BRAF: variants seen among roughly 807,000 people sequenced by gnomAD.
BRAF encodes serine/threonine-protein kinase B-raf.
Under a neutral mutation model 104.6 loss-of-function variants are expected in BRAF, and 16 were observed. The observed-to-expected ratio is 0.15, with a 90% CI of 0.10 to 0.23. BRAF has a LOEUF of 0.23. Ranked by LOEUF, BRAF falls within the 10% of genes least tolerant of loss-of-function variation. The probability of loss-of-function intolerance (pLI) is 1.00; values close to 1 mark genes in which losing one functional copy is unlikely to be tolerated. For synonymous variants in BRAF, 310 were observed against 341.6 expected (o/e 0.91, Z 1.02); for missense variants, 541 against 937.3 (o/e 0.58, Z 5.52).
chr7:140,767,293 C>T (rs1445963838), intron 14 of BRAF, among the ~76,000 whole-genome samples: 14 of 152,176 alleles, frequency 9.2e-5, no homozygotes, highest in Admixed American at 4.6e-4. Flanking sequence ...CATGAACCAC[C>T]GTGCCCAGCC....
At chr7:140,838,995 T>C (rs2129065489) in intron 2 of BRAF, among the ~76,000 whole-genome samples, 1 of 152,264 alleles carries the variant, frequency 6.6e-6, no homozygotes, top group African/African-American at 2.4e-5. Context: ...AGTATGTGAA[T>C]TATTTCTCAA....
At chr7:140,910,378 T>C (rs2129139112) in intron 1 of BRAF, among the ~76,000 whole-genome samples, 1 of 152,364 alleles carries the variant, frequency 6.6e-6, no homozygotes, top group South Asian at 2.1e-4. Context: ...TCCCATGTCT[T>C]CTTGATCTGT....
chr7:140,794,313 T>C lies in BRAF; in HGVS notation c.1135A>G (p.Ile379Val). The change falls in exon 8 of 20, where the codon ATT becomes GTT. Residue 379 changes from isoleucine (I) to valine (V), a missense_variant. Ile to Val is a conservative substitution (Grantham distance 29). Around this residue, in one of 10 missense-constraint regions of BRAF, gnomAD observed 109 missense variants for 143.9 expected, o/e 0.76. Transcript: ENST00000644969. ...VHINTIEPVN[I>V]DDLIRDQGFR... is the part of the protein sequence containing the mutation. Reference sequence around the variant, plus strand: ...TAGCAATGCTGGATACTTACATCAATATTGACAGGTTCTATTGTGTTTATA... The same window carrying C: ...TAGCAATGCTGGATACTTACATCAACATTGACAGGTTCTATTGTGTTTATA... 1 of 1,613,962 alleles carries C rather than the reference T, an allele frequency of 6.2e-7. No homozygotes were observed. Among genetic ancestry groups the C allele is most frequent in the Non-Finnish European group, 8.5e-7 (1 of 1,179,980 alleles).
rs574149563 is a variant in BRAF at position 140,778,110 on chromosome 7, A to G, written c.1553-35T>C. On this transcript the variant is annotated intron_variant, in intron 12 of 19. Coordinates refer to ENST00000644969, the MANE Select transcript of BRAF (RefSeq NM_001374258.1). ...AATTGTTACTCCAAGTGTCATTTCA[A>G]TTTTTAAAATTTAAAAGTATAAAAC... The G allele has an allele frequency of 4.4e-6, 7 of 1,599,540 alleles. No individual in the cohort carries two copies. The South Asian group carries it at 5.5e-5, about 13-fold the overall frequency.
chr7:140,888,532 T>C (rs1813828620), intron 1 of BRAF, among the ~76,000 whole-genome samples: 1 of 152,088 alleles, frequency 6.6e-6, no homozygotes. Context: ...TCATCCATAA[T>C]ACAGGATAAA....
intron 11 of BRAF, among the ~76,000 whole-genome samples, chr7:140,782,618 T>C (rs1214211938): frequency 6.6e-6 from 1 of 152,194 alleles, no homozygotes; most frequent in Non-Finnish European, 1.5e-5. Context: ...AATGTGCAGG[T>C]TTGTTACATA....
At chr7:140,801,159 A>G (rs1011861845) in intron 6 of BRAF, 5 of 376,906 alleles carry the variant, frequency 1.3e-5, no homozygotes, top group Non-Finnish European at 2.4e-5. Context: ...AATGGTTTCT[A>G]TGGGTTAGGG....
Position 140,763,786 on chromosome 7 carries a change from C to G in BRAF, c.1815-9553G>C, listed in dbSNP as rs369910952. On this transcript the variant is annotated intron_variant, in intron 14 of 19. Coordinates refer to ENST00000644969, the MANE Select transcript of BRAF (RefSeq NM_001374258.1). ...TCTGAATAGACCAATAACAGGATCT[C>G]AAATTGTGGCAGTAATCAATAGCTT... Among the ~76,000 whole-genome samples, 7 of 152,282 alleles carry G rather than the reference C, an allele frequency of 4.6e-5. No homozygotes were observed. In the South Asian group the frequency reaches 6.2e-4, roughly 14 times the overall value.
At chr7:140,747,370 C>T (rs1216374275) in intron 17 of BRAF, 1 of 1,274,426 alleles carries the variant, frequency 7.8e-7, no homozygotes. Context: ...CCTTACCCTT[C>T]TGTTGGTCAC....
Position 140,725,588 on chromosome 7 carries a change from G to A in BRAF, c.*906C>T, listed in dbSNP as rs144129600. On this transcript the variant is annotated 3_prime_UTR_variant, in exon 20 of 20. Coordinates refer to ENST00000644969, the MANE Select transcript of BRAF (RefSeq NM_001374258.1). ...TTTTGTGGGGGTTTAGTTAGATACT[G>A]CCACGGCATTTTGTGCCCTGGACAA... is the stretch of plus-strand genomic sequence containing the variant. 304 of 1,057,168 alleles carry A rather than the reference G, an allele frequency of 2.9e-4. 2 individuals carry two copies. The African/African-American group carries it at 4.7e-3, about 16-fold the overall frequency. 65.5% of individuals were successfully genotyped at this position (1,057,168 alleles called of 1,614,324 possible).
At chr7:140,813,417 C>T (rs192669519) in intron 3 of BRAF, among the ~76,000 whole-genome samples, 9 of 152,254 alleles carry the variant, frequency 5.9e-5, no homozygotes, top group African/African-American at 2.2e-4. Context: ...TATAAACAGA[C>T]ATCTCATAAT....
intron 15 of BRAF, chr7:140,753,690 T>C (rs1797971035): frequency 3.1e-6 from 1 of 327,284 alleles, no homozygotes; most frequent in Non-Finnish European, 5.8e-6. Context: ...ATTTTAGCAA[T>C]GTAGGCCCAG....
chr7:140,780,960 GAGTCTCACTGTCACC>G (rs1800813117), intron 12 of BRAF: 1 of 151,728 alleles, frequency 6.6e-6, no homozygotes, highest in African/African-American at 2.4e-5. Flanking sequence ...TTTTGAGACG[GAGTCTCACTGTCACC>G]AGGGTGGAGT....
chr7:140,718,697 A>G (rs1398732754), downstream of BRAF, among the ~76,000 whole-genome samples: 2 of 152,194 alleles, frequency 1.3e-5, no homozygotes, highest in Non-Finnish European at 2.9e-5. Flanking sequence ...GATGAGTTTT[A>G]AAACGGTTTA....
chr7:140,820,261 T>C (rs1202386252), intron 3 of BRAF, among the ~76,000 whole-genome samples: 2 of 152,206 alleles, frequency 1.3e-5, no homozygotes, highest in African/African-American at 2.4e-5. Flanking sequence ...TTCATACACT[T>C]GTTGAGAATC....
At position 140,792,209 on chromosome 7, in the gene BRAF, C is replaced by T. The variant is rs1802045042; in HGVS notation, c.1140+2099G>A. Among the ~76,000 whole-genome samples the T allele has an allele frequency of 2.0e-5, 3 of 152,206 alleles. No individual in the cohort carries two copies. In the Middle Eastern group the frequency reaches 0.01, roughly 518 times the overall value. On this transcript the variant is annotated intron_variant, in intron 8 of 19. Transcript: ENST00000644969. ...TATTACTTGAGTTTAAATATCATTT[C>T]TTGTCTGAAATACTGTAAAAACCAC...
intron 3 of BRAF, among the ~76,000 whole-genome samples, chr7:140,810,680 A>G (rs1260960488): frequency 6.6e-6 from 1 of 152,146 alleles, no homozygotes; most frequent in Non-Finnish European, 1.5e-5. Flanking sequence ...GGTACAGTTG[A>G]TCCTCATTAC....
chr7:140,800,750 G>A (rs1272322528), intron 6 of BRAF, among the ~76,000 whole-genome samples: 2 of 152,160 alleles, frequency 1.3e-5, no homozygotes, highest in Non-Finnish European at 2.9e-5. Flanking sequence ...GTTAAAGAAT[G>A]AGAATAAAAA....
At chr7:140,829,060 C>T (rs986077361) in intron 3 of BRAF, among the ~76,000 whole-genome samples, 1 of 151,932 alleles carries the variant, frequency 6.6e-6, no homozygotes, top group Non-Finnish European at 1.5e-5. Flanking sequence ...CCCTATTTTT[C>T]TGCTGGGTTT....
Sources: allele counts gnomAD v4.1 joint callset (sites outside exome capture counted in the v4.1 genomes callset), GRCh38; gene constraint gnomAD v4.1.1; regional missense constraint gnomAD v4.1.1; transcripts MANE v1.5; gene names NCBI Gene and HGNC (gene_info 2026-07-23, HGNC 2026-07-21).